CNTNAP5: variants seen among roughly 807,000 people sequenced by gnomAD.
CNTNAP5 encodes contactin associated protein family member 5, also known as contactin-associated protein-like 5.
In CNTNAP5, 72 loss-of-function variants were observed where a neutral mutation model predicts 150.2. The observed-to-expected ratio is 0.48, with a 90% CI of 0.40 to 0.58. CNTNAP5 has a LOEUF of 0.58. CNTNAP5 is among the 20% of genes least tolerant of loss of function. The pLI, the probability that CNTNAP5 is intolerant of heterozygous loss-of-function variation, is 0.00. For missense variants in CNTNAP5, 1,636 were observed against 1,626.2 expected (o/e 1.01, Z -0.10); for synonymous variants, 672 against 619.8 (o/e 1.08, Z -1.25).
At chr2:124,301,429 T>C (rs1688565528) in intron 3 of CNTNAP5, among the ~76,000 whole-genome samples, 2 of 152,212 alleles carry the variant, frequency 1.3e-5, no homozygotes, top group Admixed American at 1.3e-4. Context: ...AGTGAAGGAT[T>C]TATGCATAAT....
At chr2:124,844,398 T>C (rs1377242323) in intron 19 of CNTNAP5, among the ~76,000 whole-genome samples, 1 of 152,182 alleles carries the variant, frequency 6.6e-6, no homozygotes, top group Non-Finnish European at 1.5e-5. Flanking sequence ...AGTACAAAGC[T>C]GTTTTGGTGA....
At chr2:124,644,230 C>G (rs1468718533) in intron 12 of CNTNAP5, among the ~76,000 whole-genome samples, 2 of 152,178 alleles carry the variant, frequency 1.3e-5, no homozygotes, top group African/African-American at 2.4e-5. Flanking sequence ...CTCAAACCAC[C>G]CTTCCCTAGC....
intron 1 of CNTNAP5, among the ~76,000 whole-genome samples, chr2:124,136,376 T>C (rs537629150): frequency 6.6e-6 from 1 of 152,302 alleles, no homozygotes; most frequent in South Asian, 2.1e-4. Context: ...TATGCTCCAA[T>C]TGGCCCATCG....
intron 1 of CNTNAP5, among the ~76,000 whole-genome samples, chr2:124,172,849 C>G (rs144224922): frequency 6.6e-6 from 1 of 151,934 alleles, no homozygotes; most frequent in African/African-American, 2.4e-5. Flanking sequence ...GTAATATATA[C>G]AGGGCACCTC....
chr2:124,257,132 A>G (rs1687333758), intron 3 of CNTNAP5, among the ~76,000 whole-genome samples: 1 of 152,190 alleles, frequency 6.6e-6, no homozygotes, highest in Admixed American at 6.5e-5. Context: ...TTCAGAGATC[A>G]TGTGTCCCTG....
rs1451974534 is a variant in CNTNAP5 at position 124,297,638 on chromosome 2, G to T, written c.381+55245G>T. On this transcript the variant is annotated intron_variant, in intron 3 of 23. Coordinates refer to ENST00000682447, the MANE Select transcript of CNTNAP5 (RefSeq NM_001367498.1). ...AGCTGATATACTCTTCTGATTTGCA[G>T]CTTCTTCCCTTAAGACTTAAGTCCT... Among the ~76,000 whole-genome samples, 2 of 151,614 alleles carry T rather than the reference G, an allele frequency of 1.3e-5. 1 individual carries two copies. Among genetic ancestry groups the T allele is most frequent in the South Asian group, 4.2e-4 (2 of 4,780 alleles).
chr2:124,446,917 G>A lies in CNTNAP5; in HGVS notation c.898G>A (p.Ala300Thr). The A allele has an allele frequency of 6.2e-7, 1 of 1,613,636 alleles. No individual in the cohort carries two copies. Among genetic ancestry groups the A allele is most frequent in the Non-Finnish European group, 8.5e-7 (1 of 1,179,662 alleles). ...CTTCCGCACCAAGGGCGAGACGGAT[G>A]CCTTAGACATTGACTATGAGGTGAG... Reference protein sequence around the residue: ...QHFRTKGETDALDIDYELSFG... With the variant: ...QHFRTKGETDTLDIDYELSFG... Residue 300 changes from alanine to threonine, a missense_variant, in exon 6 of 24, where the codon GCC (alanine) becomes ACC (threonine). Ala to Thr is a moderately conservative substitution (Grantham distance 58, BLOSUM62 0). Transcript: ENST00000682447.
intron 19 of CNTNAP5, among the ~76,000 whole-genome samples, chr2:124,805,276 AG>A (rs1682057889): frequency 6.6e-6 from 1 of 152,182 alleles, no homozygotes; most frequent in African/African-American, 2.4e-5. Context: ...ACAGACCTTC[AG>A]GGAACTTCCC....
At chr2:124,408,140 C>T (rs1226732734) in intron 3 of CNTNAP5, among the ~76,000 whole-genome samples, 1 of 152,174 alleles carries the variant, frequency 6.6e-6, no homozygotes, top group Non-Finnish European at 1.5e-5. Flanking sequence ...CCTGGAAAAT[C>T]GGGTCACTCC....
intron 11 of CNTNAP5, among the ~76,000 whole-genome samples, chr2:124,607,011 T>C (rs553104959): frequency 1.1e-4 from 17 of 152,332 alleles, no homozygotes; most frequent in African/African-American, 3.8e-4. Context: ...AAGCACTTTC[T>C]ATGTGCCATA....
intron 7 of CNTNAP5, among the ~76,000 whole-genome samples, chr2:124,483,524 C>A (rs1404098741): frequency 6.6e-6 from 1 of 152,306 alleles, no homozygotes; most frequent in African/African-American, 2.4e-5. Context: ...CTACTGTAAT[C>A]TGTAAGCAGT....
At chr2:124,512,847 T>A (rs1392875042) in intron 8 of CNTNAP5, among the ~76,000 whole-genome samples, 1 of 152,198 alleles carries the variant, frequency 6.6e-6, no homozygotes, top group African/African-American at 2.4e-5. Context: ...GATTCTCAGA[T>A]CAACAGCCAT....
chr2:124,158,051 T>C (rs763490961), intron 1 of CNTNAP5, among the ~76,000 whole-genome samples: 3 of 152,186 alleles, frequency 2.0e-5, no homozygotes, highest in Non-Finnish European at 4.4e-5. Context: ...AGTGGAAATA[T>C]AGAGAGAATG....
chr2:124,707,135 GAAGAGGAA>G (rs1558743713), intron 13 of CNTNAP5, among the ~76,000 whole-genome samples: 8 of 91,672 alleles, frequency 8.7e-5, no homozygotes, highest in African/African-American at 3.1e-4. Flanking sequence ...AGAAGAAGAA[GAAGAGGAA>G]GAAGAAGAAG....
intron 2 of CNTNAP5, among the ~76,000 whole-genome samples, chr2:124,236,821 G>A (rs1033755250): frequency 2.0e-5 from 3 of 152,048 alleles, no homozygotes; most frequent in South Asian, 2.1e-4. Context: ...TGGTCAGGCT[G>A]TATTTTTAAA....
chr2:124,127,939 C>G (rs1363634628), intron 1 of CNTNAP5, among the ~76,000 whole-genome samples: 1 of 152,140 alleles, frequency 6.6e-6, no homozygotes, highest in African/African-American at 2.4e-5. Flanking sequence ...AAATGTCAGA[C>G]CTAAAACCAT....
At chr2:124,663,510 A>G (rs1313649004) in intron 13 of CNTNAP5, among the ~76,000 whole-genome samples, 1 of 152,154 alleles carries the variant, frequency 6.6e-6, no homozygotes, top group Non-Finnish European at 1.5e-5. Context: ...ATTCAGCACA[A>G]TTTTTGCATT....
intron 7 of CNTNAP5, among the ~76,000 whole-genome samples, chr2:124,501,561 T>C (rs1022704541): frequency 1.3e-5 from 2 of 152,190 alleles, no homozygotes; most frequent in African/African-American, 4.8e-5. Context: ...TCAAATGCCG[T>C]CTTGAGACAG....
At chr2:124,272,410 A>C (rs151313601) in intron 3 of CNTNAP5, among the ~76,000 whole-genome samples, 2 of 152,214 alleles carry the variant, frequency 1.3e-5, no homozygotes, top group East Asian at 1.9e-4. Context: ...TATATATACC[A>C]GACATTTTTA....
Sources: allele counts gnomAD v4.1 joint callset (sites outside exome capture counted in the v4.1 genomes callset), GRCh38; gene constraint gnomAD v4.1.1; transcripts MANE v1.5; gene names NCBI Gene and HGNC (gene_info 2026-07-23, HGNC 2026-07-21).